Variants in ASTN2 observed in about 807,000 individuals in gnomAD.
The protein encoded by ASTN2 is astrotactin 2, also known as astrotactin-2.
In ASTN2, 54 loss-of-function variants were observed where a neutral mutation model predicts 139.8. The observed-to-expected ratio is 0.39, with a 90% confidence interval of 0.31 to 0.48. The LOEUF is 0.48. Ranked by LOEUF, ASTN2 falls within the 20% of genes least tolerant of loss-of-function variation. The pLI is 0.95. For synonymous variants in ASTN2, 756 were observed against 719.5 expected (o/e 1.05, Z -0.81); for missense variants, 1,565 against 1,725.1 (o/e 0.91, Z 1.64).
chr9:116,446,259 A>AGG (rs1346660143), intron 20 of ASTN2, among the ~76,000 whole-genome samples: 16 of 90,046 alleles, frequency 1.8e-4, no homozygotes, highest in Non-Finnish European at 9.8e-5. Context: ...GGAGAGGGAG[A>AGG]GAGAGAGAGA....
chr9:116,991,385 A>G (rs1197020218), intron 7 of ASTN2, among the ~76,000 whole-genome samples: 8 of 152,188 alleles, frequency 5.3e-5, no homozygotes, highest in Non-Finnish European at 8.8e-5. Context: ...CTGCACAGAA[A>G]TCTGTCATCA....
At chr9:116,496,877 T>A (rs578013146) in intron 19 of ASTN2, among the ~76,000 whole-genome samples, 3 of 152,092 alleles carry the variant, frequency 2.0e-5, no homozygotes, top group East Asian at 3.9e-4. Context: ...TTCACTATCA[T>A]GAGAACAGCA....
At chr9:116,581,514 T>A (rs1026424310) in intron 19 of ASTN2, among the ~76,000 whole-genome samples, 20 of 152,184 alleles carry the variant, frequency 1.3e-4, no homozygotes, top group African/African-American at 4.8e-4. Flanking sequence ...ACATGCATTG[T>A]TTCACCTTTA....
intron 19 of ASTN2, among the ~76,000 whole-genome samples, chr9:116,591,441 AG>A (rs1854375381): frequency 6.6e-6 from 1 of 152,248 alleles, no homozygotes; most frequent in Admixed American, 6.5e-5. Context: ...TGCCCTTGGC[AG>A]GCATGGGATC....
At chr9:116,464,320 T>C (rs1848586082) in intron 20 of ASTN2, among the ~76,000 whole-genome samples, 1 of 152,144 alleles carries the variant, frequency 6.6e-6, no homozygotes, top group East Asian at 1.9e-4. Context: ...TGCACTTGGT[T>C]TTCTAAGTCA....
rs996137789 is a variant in ASTN2, at chr9:116,607,818, A to T, written c.3355+10506T>A. 2.0e-5 allele frequency among the ~76,000 whole-genome samples: 3 copies of T among 151,954 alleles called. No individual in the cohort carries two copies. The South Asian group carries it at 6.2e-4, about 32-fold the overall frequency. ...CTATTTAAAATACAAAAAATTAGCC[A>T]GGCATGGTGGCACGCACCTGTAGTC... On this transcript the variant is annotated intron_variant, in intron 19 of 22. Coordinates refer to ENST00000313400, the MANE Select transcript of ASTN2 (RefSeq NM_001365068.1).
At chr9:117,013,573 T>C (rs1002791957) in intron 6 of ASTN2, among the ~76,000 whole-genome samples, 4 of 151,960 alleles carry the variant, frequency 2.6e-5, no homozygotes, top group Admixed American at 2.0e-4. Flanking sequence ...CATTTCGTTA[T>C]CTAGCATCTG....
intron 11 of ASTN2, among the ~76,000 whole-genome samples, chr9:116,822,654 A>G (rs1309803119): frequency 1.3e-5 from 2 of 151,962 alleles, no homozygotes; most frequent in East Asian, 3.9e-4. Flanking sequence ...TCTCTACCAC[A>G]CTTGTTTTTT....
intron 7 of ASTN2, among the ~76,000 whole-genome samples, chr9:116,999,548 CTTTTT>C (rs71379248): frequency 1.7e-4 from 16 of 94,920 alleles, no homozygotes; most frequent in South Asian, 1.6e-3. Flanking sequence ...TTCTCTCTTT[CTTTTT>C]TTTTTTTTTT....
intron 20 of ASTN2, among the ~76,000 whole-genome samples, chr9:116,477,519 T>A (rs1053970883): frequency 6.6e-6 from 1 of 151,840 alleles, no homozygotes. Context: ...CAGAATCAGA[T>A]AATAGGCAGA....
intron 10 of ASTN2, among the ~76,000 whole-genome samples, chr9:116,972,800 G>C (rs972847399): frequency 6.6e-6 from 1 of 152,140 alleles, no homozygotes; most frequent in Non-Finnish European, 1.5e-5. Flanking sequence ...AACTTGCAGT[G>C]CACGTTCAAG....
chr9:116,439,193 C>CAT (rs1847753598), intron 22 of ASTN2, among the ~76,000 whole-genome samples: 10 of 102,790 alleles, frequency 9.7e-5, no homozygotes, highest in African/African-American at 3.3e-4. Flanking sequence ...TATTCAAATA[C>CAT]ATTTTTTTTT....
chr9:116,792,744 G>A (rs1167602126), intron 13 of ASTN2, among the ~76,000 whole-genome samples: 1 of 152,110 alleles, frequency 6.6e-6, no homozygotes, highest in Non-Finnish European at 1.5e-5. Flanking sequence ...AGATTCCATG[G>A]ATCTCTAGTG....
intron 20 of ASTN2, among the ~76,000 whole-genome samples, chr9:116,477,134 T>C (rs927152167): frequency 6.6e-6 from 1 of 152,052 alleles, no homozygotes; most frequent in African/African-American, 2.4e-5. Context: ...TGACGCAGTG[T>C]GAGGAAAGAA....
chr9:116,812,502 C>T (rs1831192274), intron 12 of ASTN2, among the ~76,000 whole-genome samples: 1 of 152,082 alleles, frequency 6.6e-6, no homozygotes, highest in African/African-American at 2.4e-5. Flanking sequence ...TAGATCTTCC[C>T]CTAAGGCCTC....
chr9:116,787,897 A>C (rs7852805), intron 13 of ASTN2, among the ~76,000 whole-genome samples: 126,537 of 152,136 alleles, frequency 0.83, 52,782 homozygotes, highest in East Asian at 0.98. Flanking sequence ...ATGTACCATA[A>C]AAATATAAGA....
chr9:117,350,493 G>T (rs1192096489), intron 1 of ASTN2, among the ~76,000 whole-genome samples: 2 of 151,804 alleles, frequency 1.3e-5, no homozygotes, highest in African/African-American at 4.8e-5. Flanking sequence ...GGTGGTGGTT[G>T]CAGTGAGCTG....
At chr9:116,790,966 G>A (rs60884694) in intron 13 of ASTN2, among the ~76,000 whole-genome samples, 2,654 of 64,994 alleles carry the variant, frequency 0.041, 142 homozygotes, top group Middle Eastern at 0.071. Flanking sequence ...AAAGAAAGAA[G>A]GAAAGAAAGA....
At chr9:116,728,920 C>T in intron 15 of ASTN2, 72 bp downstream of exon 15, 1 of 1,272,418 alleles carries the variant, frequency 7.9e-7, no homozygotes, top group Non-Finnish European at 1.1e-6. Flanking sequence ...TATGCCCTGG[C>T]ACATGCTAGG....
Sources: gnomAD v4.1 joint callset for allele counts (sites outside exome capture counted in the v4.1 genomes callset) on GRCh38, gnomAD v4.1.1 for gene constraint, MANE v1.5 for transcripts, NCBI Gene and HGNC (gene_info 2026-07-23, HGNC 2026-07-21) for gene names.